The following ATXN1 variants were observed in gnomAD, a reference collection of about 807,000 sequenced individuals.
ATXN1 encodes ataxin-1.
ATXN1 carries 8 observed loss-of-function variants against 56.4 expected under a neutral mutation model. The ratio of observed to expected loss-of-function variants is 0.14; its 90% CI spans 0.08 to 0.26. ATXN1 has a LOEUF of 0.26. Among genes scored for constraint, ATXN1 ranks in the 10% least tolerant of loss-of-function variants. The probability of loss-of-function intolerance (pLI) is 1.00; values close to 1 mark genes in which losing one functional copy is unlikely to be tolerated. For missense variants in ATXN1, 987 were observed against 1,106.5 expected, an observed-to-expected ratio of 0.89 and a Z score of 1.53; for synonymous variants, 514 against 494.6, an observed-to-expected ratio of 1.04 and a Z score of -0.52.
At chr6:16,694,865 C>T (rs1452696004) in intron 2 of ATXN1, among the ~76,000 whole-genome samples, 2 of 152,166 alleles carry the variant, frequency 1.3e-5, no homozygotes, top group African/African-American at 2.4e-5. Context: ...CAAGTGGAGT[C>T]GAACTCTCCC....
Position 16,459,492 on chromosome 6 carries a change from T to C in ATXN1, c.-161+26480A>G, listed in dbSNP as rs146436679. On this transcript the variant is annotated intron_variant, in intron 6 of 7. Transcript: ENST00000436367. Reference sequence around the variant, plus strand: ...AAACTGAATCGTCAGTGGAGACTAGTGCAAGATCCTAGACTCATCAGTGAG... The same window carrying C: ...AAACTGAATCGTCAGTGGAGACTAGCGCAAGATCCTAGACTCATCAGTGAG... Among the ~76,000 whole-genome samples, 5 of 152,332 alleles carry C rather than the reference T, an allele frequency of 3.3e-5. No homozygotes were observed. In the East Asian group the frequency reaches 9.6e-4, roughly 29 times the overall value.
intron 4 of ATXN1, among the ~76,000 whole-genome samples, chr6:16,528,003 C>T (rs992043558): frequency 2.6e-5 from 4 of 152,010 alleles, no homozygotes; most frequent in Non-Finnish European, 5.9e-5. Flanking sequence ...CTTTTTTACA[C>T]CATCAAGACT....
At chr6:16,704,044 CG>C (rs1759352000) in intron 2 of ATXN1, among the ~76,000 whole-genome samples, 1 of 152,122 alleles carries the variant, frequency 6.6e-6, no homozygotes, top group African/African-American at 2.4e-5. Context: ...ATAACAACAA[CG>C]GTTAAAGCAG....
intron 2 of ATXN1, among the ~76,000 whole-genome samples, chr6:16,723,609 T>G (rs1759789698): frequency 6.6e-6 from 1 of 151,854 alleles, no homozygotes; most frequent in Non-Finnish European, 1.5e-5. Flanking sequence ...TTCCCTGCAT[T>G]CAACAGAATA....
At chr6:16,360,922 G>A (rs1011562340) in intron 6 of ATXN1, among the ~76,000 whole-genome samples, 1 of 152,204 alleles carries the variant, frequency 6.6e-6, no homozygotes, top group Non-Finnish European at 1.5e-5. Context: ...CATTTGTAAG[G>A]AATAACACAA....
chr6:16,490,365 G>T (rs1226155724), intron 5 of ATXN1, among the ~76,000 whole-genome samples: 1 of 152,220 alleles, frequency 6.6e-6, no homozygotes, highest in East Asian at 1.9e-4. Flanking sequence ...ATTCCTAAAA[G>T]AATTTATCCA....
chr6:16,440,299 T>C (rs570559278), intron 6 of ATXN1, among the ~76,000 whole-genome samples: 3 of 150,686 alleles, frequency 2.0e-5, no homozygotes, highest in Non-Finnish European at 4.4e-5. Flanking sequence ...CTTTGATATT[T>C]CAAAAGAGCT....
intron 5 of ATXN1, among the ~76,000 whole-genome samples, chr6:16,497,377 A>C (rs1421398933): frequency 6.6e-6 from 1 of 152,176 alleles, no homozygotes; most frequent in East Asian, 1.9e-4. Flanking sequence ...GAAAGAAAGA[A>C]AATTAAATAA....
Position 16,328,214 on chromosome 6 carries a change from G to C in ATXN1, c.97C>G (p.Leu33Val). Residue 33 changes from leucine (L) to valine (V), a missense_variant, in exon 7 of 8, where the codon CTG (leucine) becomes GTG (valine). Coordinates refer to ENST00000436367, the MANE Select transcript of ATXN1 (RefSeq NM_001128164.2). The surrounding 1 kb of genome is among the most constrained non-coding windows in gnomAD (Gnocchi z 6.2). The stretch of plus-strand genomic sequence containing the variant: ...TCCACCCGGTGGTTGTCGCTGGGCA[G>C]GGTAGGGGCCTTCTCCTCGGAGGAC... ...SRSSEEKAPTLPSDNHRVEGT... is the reference protein window; with the variant it reads ...SRSSEEKAPTVPSDNHRVEGT... The C allele has an allele frequency of 2.5e-6, 4 of 1,593,130 alleles. No homozygotes were observed. Among genetic ancestry groups the C allele is most frequent in the Non-Finnish European group, 3.4e-6 (4 of 1,167,392 alleles).
intron 6 of ATXN1, among the ~76,000 whole-genome samples, chr6:16,449,842 A>G (rs1237766495): frequency 2.0e-5 from 3 of 152,230 alleles, no homozygotes; most frequent in Non-Finnish European, 4.4e-5. Flanking sequence ...TCAATACTGC[A>G]CAACAACATA....
At chr6:16,617,938 C>G (rs774069770) in intron 3 of ATXN1, among the ~76,000 whole-genome samples, 1 of 151,318 alleles carries the variant, frequency 6.6e-6, no homozygotes, top group East Asian at 1.9e-4. Context: ...TGTCTAAGAT[C>G]GCACATCAAA....
intron 6 of ATXN1, among the ~76,000 whole-genome samples, chr6:16,349,237 G>A (rs888370874): frequency 6.6e-6 from 1 of 152,146 alleles, no homozygotes; most frequent in Non-Finnish European, 1.5e-5. Context: ...GGGCATGGTG[G>A]CTCACGCCTG....
chr6:16,677,211 C>T (rs541867611), intron 2 of ATXN1, among the ~76,000 whole-genome samples: 49 of 152,062 alleles, frequency 3.2e-4, no homozygotes, highest in Non-Finnish European at 6.5e-4. Context: ...TGAGAGATGA[C>T]GAGCAAAGAA....
intron 6 of ATXN1, among the ~76,000 whole-genome samples, chr6:16,384,257 A>T (rs902435782): frequency 6.6e-6 from 1 of 152,222 alleles, no homozygotes; most frequent in African/African-American, 2.4e-5. Flanking sequence ...AATAAAGGTA[A>T]TCGTGATTAA....
At chr6:16,632,649 AG>A (rs1435614915) in intron 3 of ATXN1, among the ~76,000 whole-genome samples, 1 of 149,934 alleles carries the variant, frequency 6.7e-6, no homozygotes, top group East Asian at 1.9e-4. Context: ...GTGCTCCAAA[AG>A]CCAGGAGGGG....
chr6:16,483,720 C>T (rs529883330), intron 6 of ATXN1, among the ~76,000 whole-genome samples: 11 of 152,350 alleles, frequency 7.2e-5, no homozygotes, highest in African/African-American at 2.6e-4. Flanking sequence ...AAACCTCACT[C>T]AATCTTTGAG....
intron 6 of ATXN1, among the ~76,000 whole-genome samples, chr6:16,429,377 T>TAA (rs3072200): frequency 0.014 from 1,917 of 133,128 alleles, 35 homozygotes; most frequent in African/African-American, 0.04. Context: ...CTTTTAGCAT[T>TAA]AAAAAAAAAA....
rs765826362 is a variant in ATXN1, at chr6:16,341,404, C to T, written c.-160-12934G>A. Among the ~76,000 whole-genome samples, 96 of 152,186 alleles carry T rather than the reference C, an allele frequency of 6.3e-4. 1 individual carries two copies. The highest frequency in any genetic ancestry group is 7.4e-4 in the Non-Finnish European group (50 of 68,012). On this transcript the variant is annotated intron_variant, in intron 6 of 7. Transcript: ENST00000436367. ...AAAAACATAATGTCCAGATCTACCC[C>T]AGACCAACTGAATAAGAATCCCTAG...
intron 3 of ATXN1, among the ~76,000 whole-genome samples, chr6:16,619,521 T>A (rs1763280193): frequency 6.6e-6 from 1 of 152,186 alleles, no homozygotes; most frequent in African/African-American, 2.4e-5. Flanking sequence ...AGACCCCTGG[T>A]AAATATCAGG....
Sources: gnomAD v4.1 joint callset for allele counts (sites outside exome capture counted in the v4.1 genomes callset) on GRCh38, gnomAD v4.1.1 for gene constraint, Gnocchi (gnomAD v3.1) non-coding constraint, MANE v1.5 for transcripts, NCBI Gene and HGNC (gene_info 2026-07-23, HGNC 2026-07-21) for gene names.